ROBO1: variants seen among roughly 807,000 people sequenced by gnomAD.
ROBO1 encodes roundabout guidance receptor 1.
In ROBO1, 149 loss-of-function variants were observed where a neutral mutation model predicts 195.9. The observed-to-expected ratio is 0.76, with a 90% CI of 0.67 to 0.87. The LOEUF is 0.87. Ranked by LOEUF, ROBO1 falls within the 40% of genes least tolerant of loss-of-function variation. ROBO1 has a pLI of 0.00. For missense variants in ROBO1, 1,933 were observed against 2,068.3 expected, an observed-to-expected ratio of 0.93 and a Z score of 1.27; for synonymous variants, 816 against 733.2, an observed-to-expected ratio of 1.11 and a Z score of -1.82.
intron 2 of ROBO1, among the ~76,000 whole-genome samples, chr3:79,557,080 T>A (rs566866813): frequency 1.7e-4 from 26 of 151,468 alleles, no homozygotes; most frequent in African/African-American, 5.5e-4. Context: ...TCTAATGATA[T>A]GTTTCCCATA....
chr3:79,630,884 G>A (rs1455004431), intron 1 of ROBO1, among the ~76,000 whole-genome samples: 7 of 135,344 alleles, frequency 5.2e-5, no homozygotes, highest in Non-Finnish European at 1.6e-5. Flanking sequence ...TTACACACAC[G>A]CACATACAAA....
chr3:79,335,888 T>C (rs562874076), intron 2 of ROBO1, among the ~76,000 whole-genome samples: 3 of 152,302 alleles, frequency 2.0e-5, no homozygotes, highest in Non-Finnish European at 4.4e-5. Flanking sequence ...GATAGTGATA[T>C]GGACAATGAA....
chr3:78,796,684 T>G (rs1370262631), intron 4 of ROBO1, among the ~76,000 whole-genome samples: 1 of 152,196 alleles, frequency 6.6e-6, no homozygotes. Flanking sequence ...ACAATCTTAA[T>G]TTTAATCTAG....
At chr3:79,397,609 A>ATCTAACTAAACTAAACAC (rs1157000172) in intron 2 of ROBO1, among the ~76,000 whole-genome samples, 1 of 152,186 alleles carries the variant, frequency 6.6e-6, no homozygotes. Context: ...AACTAAACAC[A>ATCTAACTAAACTAAACAC]TAAGCAGACC....
At chr3:79,138,174 A>T (rs1259151545) in intron 2 of ROBO1, among the ~76,000 whole-genome samples, 3 of 152,076 alleles carry the variant, frequency 2.0e-5, no homozygotes, top group Non-Finnish European at 2.9e-5. Flanking sequence ...ATTATTCTTC[A>T]ACAACAAAGA....
chr3:79,395,340 A>AAAAAAAAAAAAGAAAG (rs71631648), intron 2 of ROBO1, among the ~76,000 whole-genome samples: 1 of 119,062 alleles, frequency 8.4e-6, no homozygotes, highest in Non-Finnish European at 1.7e-5. Context: ...AAAAAAAAAA[A>AAAAAAAAAAAAGAAAG]AAAGAAAGAA....
chr3:79,429,168 A>T (rs1229415018), intron 2 of ROBO1, among the ~76,000 whole-genome samples: 1 of 152,206 alleles, frequency 6.6e-6, no homozygotes, highest in Non-Finnish European at 1.5e-5. Context: ...ATATCAAGTC[A>T]CTATGGAGGA....
At chr3:78,614,226 A>T (rs909937406) in intron 28 of ROBO1, among the ~76,000 whole-genome samples, 9 of 152,210 alleles carry the variant, frequency 5.9e-5, no homozygotes, top group Non-Finnish European at 5.9e-5. Context: ...CTGTTGTTAG[A>T]ATTAATATTC....
chr3:79,371,038 C>G (rs1577032889), intron 2 of ROBO1, among the ~76,000 whole-genome samples: 1 of 152,092 alleles, frequency 6.6e-6, no homozygotes, highest in Non-Finnish European at 1.5e-5. Context: ...TATGGCTGCA[C>G]AGTATTCCAT....
chr3:78,873,832 A>G (rs915893897), intron 4 of ROBO1, among the ~76,000 whole-genome samples: 1 of 152,082 alleles, frequency 6.6e-6, no homozygotes, highest in South Asian at 2.1e-4. Context: ...TTTACACTTC[A>G]ATTGTCTCAC....
At chr3:79,744,925 A>T (rs532003874) in intron 1 of ROBO1, among the ~76,000 whole-genome samples, 8 of 151,822 alleles carry the variant, frequency 5.3e-5, no homozygotes, top group South Asian at 2.1e-4. Context: ...TATATATATA[A>T]AAACATATAT....
chr3:78,688,898 A>C (rs2081109955), intron 8 of ROBO1, 126 bp from the exon 9 acceptor site: 1 of 867,142 alleles, frequency 1.2e-6, no homozygotes, highest in Non-Finnish European at 1.6e-6. Flanking sequence ...CAGTCATGAT[A>C]TACCAATTCT....
intron 4 of ROBO1, among the ~76,000 whole-genome samples, chr3:78,819,969 T>C (rs2030699311): frequency 6.6e-6 from 1 of 152,232 alleles, no homozygotes; most frequent in African/African-American, 2.4e-5. Flanking sequence ...ATAGAACTTT[T>C]AAAACTTTTT....
intron 3 of ROBO1, among the ~76,000 whole-genome samples, chr3:78,988,749 T>G (rs1012726799): frequency 2.0e-5 from 3 of 152,172 alleles, no homozygotes; most frequent in Non-Finnish European, 4.4e-5. Context: ...GGCTGTTACA[T>G]TCCATCAAAA....
chr3:78,756,203 A>T (rs1464629983), intron 4 of ROBO1, among the ~76,000 whole-genome samples: 2 of 152,128 alleles, frequency 1.3e-5, no homozygotes, highest in African/African-American at 4.8e-5. Context: ...TATGGTAAAA[A>T]CAAAACAAAA....
At chr3:78,941,700 T>C (rs2040153743) in intron 3 of ROBO1, among the ~76,000 whole-genome samples, 1 of 152,160 alleles carries the variant, frequency 6.6e-6, no homozygotes, top group African/African-American at 2.4e-5. Context: ...GAGGCACAGC[T>C]ACAGGAGTAT....
At chr3:78,800,046 A>C (rs1019395056) in intron 4 of ROBO1, among the ~76,000 whole-genome samples, 2 of 152,204 alleles carry the variant, frequency 1.3e-5, no homozygotes, top group Non-Finnish European at 2.9e-5. Flanking sequence ...TAAAGTAGAC[A>C]TTCTGGACAG....
At chr3:79,746,434 C>A in intron 1 of ROBO1, among the ~76,000 whole-genome samples, 1 of 152,050 alleles carries the variant, frequency 6.6e-6, no homozygotes, top group East Asian at 1.9e-4. Flanking sequence ...AATTATTTTA[C>A]AATTCCTATT....
chr3:79,613,158 AT>A (rs1944716540), intron 1 of ROBO1, among the ~76,000 whole-genome samples: 1 of 151,992 alleles, frequency 6.6e-6, no homozygotes, highest in African/African-American at 2.4e-5. Flanking sequence ...GGTCAAGTAT[AT>A]TTTGGAGGAG....
Sources: allele counts gnomAD v4.1 joint callset (sites outside exome capture counted in the v4.1 genomes callset), GRCh38; gene constraint gnomAD v4.1.1; transcripts MANE v1.5; gene names NCBI Gene and HGNC (gene_info 2026-07-23, HGNC 2026-07-21).